CNTNAP4: variants seen among roughly 807,000 people sequenced by gnomAD.
The protein encoded by CNTNAP4 is contactin-associated protein-like 4.
A neutral mutation model predicts 148.4 loss-of-function variants in CNTNAP4; 98 were observed. The ratio of observed to expected loss-of-function variants is 0.66; its 90% CI spans 0.56 to 0.78. CNTNAP4 has a LOEUF of 0.78. Ranked by LOEUF, CNTNAP4 falls within the 30% of genes least tolerant of loss-of-function variation. The pLI, the probability that CNTNAP4 is intolerant of heterozygous loss-of-function variation, is 0.00. For missense variants in CNTNAP4, 1,935 were observed against 1,565.6 expected (o/e 1.24, Z -3.98); for synonymous variants, 730 against 565.1 (o/e 1.29, Z -4.14).
In CNTNAP4 at chr16:76,506,690, C is replaced by T. The variant is rs1449845003; in HGVS notation, c.2365+7996C>T. ...TTCATCATGTTGGCCAGGCTGGTGT[C>T]GAACCCCAGACCTCAAATGATCTGC... is the stretch of plus-strand genomic sequence containing the variant. On this transcript the variant is annotated intron_variant, in intron 15 of 23. Transcript: ENST00000611870. 5.4e-5 allele frequency among the ~76,000 whole-genome samples: 5 copies of T among 92,992 alleles called. 1 individual carries two copies. Among genetic ancestry groups the T allele is most frequent in the South Asian group, 9.2e-4 (2 of 2,182 alleles). 61.0% of individuals were successfully genotyped at this position (92,992 alleles called of 152,430 possible).
intron 15 of CNTNAP4, among the ~76,000 whole-genome samples, chr16:76,518,084 T>C (rs945877941): frequency 1.3e-5 from 2 of 152,122 alleles, no homozygotes; most frequent in Non-Finnish European, 2.9e-5. Context: ...ATTTCCTTTA[T>C]TCTGGTAAGA....
chr16:76,508,877 C>T (rs2082919264), intron 15 of CNTNAP4, among the ~76,000 whole-genome samples: 2 of 92,856 alleles, frequency 2.2e-5, no homozygotes, highest in African/African-American at 5.3e-5. Context: ...CTCAGCCTCC[C>T]GAGTAGCTGG....
intron 10 of CNTNAP4, 107 bp downstream of exon 10, chr16:76,467,630 G>T: frequency 2.2e-6 from 2 of 901,436 alleles, no homozygotes; most frequent in East Asian, 2.7e-5. Flanking sequence ...ATTCTTATCT[G>T]TTCCACAGGA....
At chr16:76,328,052 C>A (rs1273242400) in intron 2 of CNTNAP4, among the ~76,000 whole-genome samples, 1 of 152,154 alleles carries the variant, frequency 6.6e-6, no homozygotes, top group African/African-American at 2.4e-5. Context: ...GATTCCTGCT[C>A]AGAAGAATTC....
chr16:76,392,557 T>C (rs2144775795), intron 3 of CNTNAP4, among the ~76,000 whole-genome samples: 1 of 152,224 alleles, frequency 6.6e-6, no homozygotes, highest in Non-Finnish European at 1.5e-5. Flanking sequence ...GAACACGTTC[T>C]TGAGGAAATG....
chr16:76,491,674 T>C (rs951996314), intron 13 of CNTNAP4, among the ~76,000 whole-genome samples: 1 of 152,120 alleles, frequency 6.6e-6, no homozygotes, highest in African/African-American at 2.4e-5. Flanking sequence ...GAAGAGTAAA[T>C]GAATGCTGTG....
intron 5 of CNTNAP4, 128 bp from the exon 6 acceptor site, chr16:76,448,639 G>C: frequency 1.6e-6 from 1 of 633,968 alleles, no homozygotes; most frequent in Non-Finnish European, 2.6e-6. Flanking sequence ...ATGCATCCTA[G>C]TATTTGAAAC....
intron 3 of CNTNAP4, among the ~76,000 whole-genome samples, chr16:76,410,480 G>A (rs1382876793): frequency 2.6e-5 from 4 of 151,602 alleles, no homozygotes; most frequent in Non-Finnish European, 3.0e-5. Flanking sequence ...GTTACATCTG[G>A]CAGTGTTTCA....
At chr16:76,481,692 G>A (rs540890062) in intron 12 of CNTNAP4, among the ~76,000 whole-genome samples, 1 of 152,264 alleles carries the variant, frequency 6.6e-6, no homozygotes, top group East Asian at 1.9e-4. Context: ...AAAGGAAAAG[G>A]GCAAAATTAT....
intron 3 of CNTNAP4, among the ~76,000 whole-genome samples, chr16:76,378,296 AAATAT>A (rs2015630726): frequency 6.6e-6 from 1 of 152,210 alleles, no homozygotes; most frequent in Non-Finnish European, 1.5e-5. Flanking sequence ...AAAAATAAAA[AAATAT>A]AATGAGGACC....
intron 3 of CNTNAP4, among the ~76,000 whole-genome samples, chr16:76,386,830 C>G (rs2016555650): frequency 1.3e-5 from 2 of 151,974 alleles, no homozygotes; most frequent in Non-Finnish European, 2.9e-5. Context: ...CACAGGTGGG[C>G]CCAGTGTAAT....
chr16:76,383,691 A>C (rs2016227824), intron 3 of CNTNAP4, among the ~76,000 whole-genome samples: 1 of 152,216 alleles, frequency 6.6e-6, no homozygotes, highest in Admixed American at 6.5e-5. Flanking sequence ...TAGATGTGAC[A>C]ATTGTGTTTT....
intron 4 of CNTNAP4, among the ~76,000 whole-genome samples, chr16:76,438,967 A>G (rs1185233947): frequency 6.6e-6 from 1 of 152,182 alleles, no homozygotes; most frequent in African/African-American, 2.4e-5. Context: ...ACAATTACAT[A>G]TCTTTACTAC....
intron 2 of CNTNAP4, among the ~76,000 whole-genome samples, chr16:76,331,222 C>T (rs1192435824): frequency 1.3e-5 from 2 of 151,246 alleles, no homozygotes; most frequent in African/African-American, 2.4e-5. Flanking sequence ...GAGTCTCGCT[C>T]TGTTGCCCAG....
chr16:76,309,841 T>G (rs1960899292), intron 1 of CNTNAP4: 1 of 700,580 alleles, frequency 1.4e-6, no homozygotes, highest in Admixed American at 2.0e-5. Flanking sequence ...GGTTTCCGCT[T>G]TTGCTGCTTC....
chr16:76,339,613 A>T (rs1964302956), intron 2 of CNTNAP4, among the ~76,000 whole-genome samples: 1 of 152,212 alleles, frequency 6.6e-6, no homozygotes, highest in Admixed American at 6.5e-5. Context: ...TTTGCTCATT[A>T]CAAAGGTCTG....
chr16:76,346,800 A>G (rs1340951710), intron 2 of CNTNAP4, among the ~76,000 whole-genome samples: 1 of 152,192 alleles, frequency 6.6e-6, no homozygotes, highest in Non-Finnish European at 1.5e-5. Context: ...TTGCAAATCA[A>G]ATACACAAAT....
intron 3 of CNTNAP4, among the ~76,000 whole-genome samples, chr16:76,405,401 G>A (rs2078568194): frequency 6.6e-6 from 1 of 152,138 alleles, no homozygotes; most frequent in Admixed American, 6.6e-5. Context: ...AACACAGGGA[G>A]GAGGGGAAAC....
intron 2 of CNTNAP4, among the ~76,000 whole-genome samples, chr16:76,326,201 T>C (rs1233532008): frequency 6.6e-6 from 1 of 152,202 alleles, no homozygotes; most frequent in East Asian, 1.9e-4. Flanking sequence ...CTCTGTTGCA[T>C]GAATATAAAT....
Sources: gnomAD v4.1 joint callset for allele counts (sites outside exome capture counted in the v4.1 genomes callset) on GRCh38, gnomAD v4.1.1 for gene constraint, MANE v1.5 for transcripts, NCBI Gene and HGNC (gene_info 2026-07-23, HGNC 2026-07-21) for gene names.